The following PSMD10 variants were observed in gnomAD, a reference collection of about 807,000 sequenced individuals.
PSMD10 encodes the protein 26S proteasome non-ATPase regulatory subunit 10.
PSMD10 carries 2 observed loss-of-function variants against 13.2 expected under a neutral mutation model. The observed-to-expected ratio is 0.15, with a 90% confidence interval of 0.06 to 0.48. The LOEUF (loss-of-function observed/expected upper bound fraction) is 0.48, where lower values mean the gene tolerates loss of function less well. PSMD10 is among the 20% of genes least tolerant of loss of function. The probability of loss-of-function intolerance (pLI) is 0.97; values close to 1 mark genes in which losing one functional copy is unlikely to be tolerated. For missense variants in PSMD10, 120 were observed against 167.4 expected (o/e 0.72, Z 1.56); for synonymous variants, 66 against 64.4 (o/e 1.03, Z -0.12).
chrX:108,087,429 T>TA (rs2031510128), intron 4 of PSMD10: 1 of 295,150 alleles, frequency 3.4e-6, no homozygotes, highest in African/African-American at 2.7e-5. Flanking sequence ...CCAATTTTGC[T>TA]AAAAAATATG....
chrX:108,089,203 A>T (rs1159221552), intron 1 of PSMD10, among the ~76,000 whole-genome samples: 1 of 112,388 alleles, frequency 8.9e-6, no homozygotes, highest in East Asian at 2.8e-4. Context: ...TTACATGTAT[A>T]GTATCATTTA....
intron 1 of PSMD10, among the ~76,000 whole-genome samples, 186 bp from the exon 2 acceptor site, chrX:108,089,036 G>A (rs2031532529): frequency 8.9e-6 from 1 of 112,494 alleles, no homozygotes; most frequent in Non-Finnish European, 1.9e-5. Flanking sequence ...AACATGGGGA[G>A]AATGACATTG....
At chrX:108,091,196 C>A (rs1284053589) in intron 1 of PSMD10, among the ~76,000 whole-genome samples, 1 of 113,568 alleles carries the variant, frequency 8.8e-6, no homozygotes, top group African/African-American at 3.2e-5. Flanking sequence ...GGGAGCGGAG[C>A]TCCGGGCCAA....
chrX:108,087,505 A>G (rs1327395328), intron 4 of PSMD10, 181 bp downstream of exon 4: 2 of 521,707 alleles, frequency 3.8e-6, no homozygotes, highest in African/African-American at 4.7e-5. Flanking sequence ...TGTGATCAGT[A>G]GTTATTTCTG....
chrX:108,086,283 G>GTT (rs1404811682), intron 4 of PSMD10, among the ~76,000 whole-genome samples: 1 of 111,577 alleles, frequency 9.0e-6, no homozygotes, highest in Non-Finnish European at 1.9e-5. Context: ...GATTTTAAGA[G>GTT]TTAAATGCAA....
chrX:108,091,356 G>A, intron 1 of PSMD10, 51 bp downstream of exon 1: 1 of 1,136,933 alleles, frequency 8.8e-7, no homozygotes, highest in Non-Finnish European at 1.2e-6. Context: ...CGAAAGCCAC[G>A]TAGGGCTTCG....
chrX:108,084,859 T>A lies in PSMD10; in HGVS notation c.*115A>T. The stretch of plus-strand genomic sequence containing the variant: ...CAAGAGTCAACATGTTTATAAGACT[T>A]TGAAGGTGAGAAAACTTCATCATTC... On this transcript the variant is annotated 3_prime_UTR_variant, in exon 5 of 5. Coordinates refer to ENST00000217958, the MANE Select transcript of PSMD10 (RefSeq NM_002814.4). The A allele has an allele frequency of 6.9e-6, 6 of 866,534 alleles. No homozygotes were observed. Among genetic ancestry groups the A allele is most frequent in the Non-Finnish European group, 9.4e-6 (6 of 638,746 alleles). The allele number at this position is 866,534 out of a possible 1,213,427, so 71.4% of individuals were successfully genotyped here. A position where few individuals can be genotyped will look rare whatever the true frequency, so the allele number is the denominator to read the frequency against.
chrX:108,090,309 G>A (rs1261131893), intron 1 of PSMD10, among the ~76,000 whole-genome samples: 1 of 111,933 alleles, frequency 8.9e-6, no homozygotes, highest in Non-Finnish European at 1.9e-5. Flanking sequence ...GGAACCAGAC[G>A]AGATCCATAA....
At chrX:108,090,922 C>T (rs1378323367) in intron 1 of PSMD10, among the ~76,000 whole-genome samples, 1 of 111,577 alleles carries the variant, frequency 9.0e-6, no homozygotes, top group Non-Finnish European at 1.9e-5. Context: ...GTTCTGAAAG[C>T]ACCATGTAAA....
chrX:108,090,693 C>T (rs1569296391), intron 1 of PSMD10, among the ~76,000 whole-genome samples: 1 of 112,035 alleles, frequency 8.9e-6, no homozygotes, highest in African/African-American at 3.2e-5. Flanking sequence ...CTAAAGGCAC[C>T]ATGAATCCTA....
At position 108,084,602 on chromosome X, in the gene PSMD10, T is replaced by C. The variant is rs146756114; in HGVS notation, c.*372A>G. The C allele has an allele frequency of 2.4e-3, 296 of 124,553 alleles. 1 individual carries two copies. Among genetic ancestry groups the C allele is most frequent in the African/African-American group, 9.0e-3 (286 of 31,835 alleles). 10.3% of individuals were successfully genotyped at this position (124,553 alleles called of 1,213,427 possible). A position where few individuals can be genotyped will look rare whatever the true frequency, so the allele number is the denominator to read the frequency against. On this transcript the variant is annotated 3_prime_UTR_variant, in exon 5 of 5. Transcript: ENST00000217958. Reference sequence around the variant, plus strand: ...ATGGAGGAACATTACAGAATCCACATAGAAACATCTGGCAGAACAACTAGC... The same window carrying C: ...ATGGAGGAACATTACAGAATCCACACAGAAACATCTGGCAGAACAACTAGC...
At chrX:108,089,039 T>A in intron 1 of PSMD10, among the ~76,000 whole-genome samples, 189 bp from the exon 2 acceptor site, 1 of 112,486 alleles carries the variant, frequency 8.9e-6, no homozygotes, top group Non-Finnish European at 1.9e-5. Flanking sequence ...ATGGGGAGAA[T>A]GACATTGATG....
At chrX:108,088,685 G>A in intron 2 of PSMD10, 67 bp downstream of exon 2, 3 of 921,573 alleles carry the variant, frequency 3.3e-6, no homozygotes, top group Non-Finnish European at 4.6e-6. Flanking sequence ...ACAGGCTTCA[G>A]TAAACACCAG....
In PSMD10 at chrX:108,087,811, A is replaced by G; in HGVS notation, c.402T>C (p.Ala134=). 1 of 1,211,840 alleles carries G rather than the reference A, an allele frequency of 8.3e-7. No homozygotes were observed. Among genetic ancestry groups the G allele is most frequent in the African/African-American group, 1.7e-5 (1 of 57,771 alleles). The change falls in exon 4 of 5, where the codon GCT becomes GCC. Residue 134 remains alanine, a synonymous_variant. Coordinates refer to ENST00000217958, the MANE Select transcript of PSMD10 (RefSeq NM_002814.4). ...MLLEGGANPD[A]KDHYEATAMH... is the part of the protein sequence containing the mutation. ...TTGCTGTAGCCTCATAATGGTCCTT[A>G]GCATCTGGATTAGCCCCGCCTTCCA...
At chrX:108,086,793 C>G (rs1284600461) in intron 4 of PSMD10, among the ~76,000 whole-genome samples, 3 of 111,936 alleles carry the variant, frequency 2.7e-5, no homozygotes, top group Non-Finnish European at 5.6e-5. Flanking sequence ...TAAAATGATA[C>G]AACTCCTCTG....
intron 3 of PSMD10, 45 bp from the exon 4 acceptor site, chrX:108,087,897 C>T (rs1218128086): frequency 8.3e-7 from 1 of 1,210,296 alleles, no homozygotes; most frequent in East Asian, 3.0e-5. Context: ...AGAAATCTAT[C>T]TGTGTTTGTA....
Position 108,084,889 on chromosome X carries a change from A to G in PSMD10, c.*85T>C. 2.0e-6 allele frequency: 2 copies of G among 1,000,632 alleles called. No homozygotes were observed. The highest frequency in any genetic ancestry group is 3.9e-5 in the African/African-American group (2 of 51,419). The allele number at this position is 1,000,632 out of a possible 1,213,427, so 82.5% of individuals were successfully genotyped here. On this transcript the variant is annotated 3_prime_UTR_variant, in exon 5 of 5. Transcript: ENST00000217958. ...GGTGAGAAAACTTCATCATTCATAG[A>G]TGATGTCTTGTGCACAAATACATTA...
chrX:108,085,435 T>C (rs1312813632), intron 4 of PSMD10, among the ~76,000 whole-genome samples: 2 of 112,683 alleles, frequency 1.8e-5, no homozygotes, highest in African/African-American at 6.4e-5. Context: ...CCTCAAACAC[T>C]ACATGTAATA....
chrX:108,091,383 C>A, intron 1 of PSMD10, 24 bp downstream of exon 1: 4 of 1,192,325 alleles, frequency 3.4e-6, no homozygotes, highest in Non-Finnish European at 4.6e-6. Context: ...TCGCCGACTG[C>A]GGAGAGACCT....
Sources: gnomAD v4.1 joint callset for allele counts (sites outside exome capture counted in the v4.1 genomes callset) on GRCh38, gnomAD v4.1.1 for gene constraint, MANE v1.5 for transcripts, NCBI Gene and HGNC (gene_info 2026-07-23, HGNC 2026-07-21) for gene names.